The following DGKB variants were observed in gnomAD, a reference collection of about 807,000 sequenced individuals.
DGKB encodes the protein 90 kDa diacylglycerol kinase.
In DGKB, 67 loss-of-function variants were observed where a neutral mutation model predicts 114.3. The observed-to-expected ratio is 0.59, with a 90% confidence interval of 0.48 to 0.72. The LOEUF is 0.72. Ranked by LOEUF, DGKB falls within the 30% of genes least tolerant of loss-of-function variation. The pLI is 0.00. For synonymous variants in DGKB, 398 were observed against 323.1 expected (o/e 1.23, Z -2.49); for missense variants, 907 against 975.2 (o/e 0.93, Z 0.93).
intron 21 of DGKB, among the ~76,000 whole-genome samples, chr7:14,416,493 A>C (rs745696713): frequency 6.6e-6 from 1 of 152,060 alleles, no homozygotes; most frequent in Non-Finnish European, 1.5e-5. Flanking sequence ...CTGCATCCCC[A>C]CCCAAATCTC....
At chr7:14,840,727 CACACACACACACACACA>C (rs1364950977) in intron 2 of DGKB, among the ~76,000 whole-genome samples, 8 of 148,364 alleles carry the variant, frequency 5.4e-5, no homozygotes, top group Non-Finnish European at 1.2e-4. Flanking sequence ...CACACACACA[CACACACACACACACACA>C]CCTCTCCCTT....
chr7:14,303,398 A>T (rs1803898353), intron 23 of DGKB, among the ~76,000 whole-genome samples: 1 of 152,166 alleles, frequency 6.6e-6, no homozygotes. Context: ...TTTCCAGAGT[A>T]AAAAATCAAT....
intron 25 of DGKB, among the ~76,000 whole-genome samples, chr7:14,156,100 G>A (rs796611779): frequency 1.4e-4 from 22 of 152,180 alleles, no homozygotes; most frequent in African/African-American, 5.3e-4. Context: ...TGAAAGAAGT[G>A]CTATCATATA....
intron 21 of DGKB, among the ~76,000 whole-genome samples, chr7:14,476,078 C>G (rs1782124185): frequency 6.6e-6 from 1 of 151,812 alleles, no homozygotes; most frequent in Non-Finnish European, 1.5e-5. Context: ...AAGGTATTAT[C>G]CAAACACACT....
chr7:14,598,904 T>G (rs530425813), intron 17 of DGKB, among the ~76,000 whole-genome samples: 1 of 152,316 alleles, frequency 6.6e-6, no homozygotes, highest in African/African-American at 2.4e-5. Context: ...GATTGGTATA[T>G]TTGTGACCCT....
intron 9 of DGKB, among the ~76,000 whole-genome samples, chr7:14,691,585 G>C (rs1421602569): frequency 6.6e-6 from 1 of 152,082 alleles, no homozygotes; most frequent in Non-Finnish European, 1.5e-5. Context: ...GAATTCAACA[G>C]CTCTTTCTAA....
chr7:14,683,469 T>C (rs906910445), intron 10 of DGKB, among the ~76,000 whole-genome samples: 13 of 152,156 alleles, frequency 8.5e-5, no homozygotes. Context: ...AATGTATACC[T>C]ACACATAAGC....
intron 17 of DGKB, among the ~76,000 whole-genome samples, chr7:14,607,158 G>A (rs1804666068): frequency 9.8e-5 from 2 of 20,336 alleles, no homozygotes; most frequent in Admixed American, 1.6e-3. Flanking sequence ...CTAGTTTGTC[G>A]TGTGTGTGTG....
intron 1 of DGKB, among the ~76,000 whole-genome samples, chr7:14,882,535 A>G (rs1257598372): frequency 2.6e-5 from 4 of 152,130 alleles, no homozygotes; most frequent in Middle Eastern, 6.8e-3. Flanking sequence ...TGGTGTACCA[A>G]TCACCAGAAC....
chr7:14,293,154 A>G (rs1244746521), intron 23 of DGKB, among the ~76,000 whole-genome samples: 1 of 152,208 alleles, frequency 6.6e-6, no homozygotes, highest in Non-Finnish European at 1.5e-5. Flanking sequence ...GGTCAGTTTA[A>G]TACATGCATT....
chr7:14,779,494 C>T (rs1180643894), intron 2 of DGKB, among the ~76,000 whole-genome samples: 1 of 152,096 alleles, frequency 6.6e-6, no homozygotes, highest in Non-Finnish European at 1.5e-5. Context: ...CAAGATCATG[C>T]TACTGTATTC....
At chr7:14,737,714 C>T (rs1002721554) in intron 4 of DGKB, among the ~76,000 whole-genome samples, 4 of 152,020 alleles carry the variant, frequency 2.6e-5, no homozygotes, top group African/African-American at 7.2e-5. Context: ...TTGATTCTCA[C>T]AAGGACACTT....
At chr7:14,712,165 A>G (rs1827463593) in intron 6 of DGKB, among the ~76,000 whole-genome samples, 1 of 152,204 alleles carries the variant, frequency 6.6e-6, no homozygotes. Context: ...TCTCATCACC[A>G]GGTATAAAAG....
intron 25 of DGKB, chr7:14,176,497 A>T (rs1781756041): frequency 4.9e-6 from 5 of 1,010,820 alleles, no homozygotes; most frequent in African/African-American, 1.7e-5. Context: ...ATATTCTAAT[A>T]ATGTGCTCTG....
chr7:14,287,104 A>G (rs1375549886), intron 23 of DGKB, among the ~76,000 whole-genome samples: 3 of 152,134 alleles, frequency 2.0e-5, no homozygotes, highest in African/African-American at 7.2e-5. Context: ...TGTAAACTAC[A>G]GTATTTTTGT....
intron 21 of DGKB, among the ~76,000 whole-genome samples, chr7:14,425,790 T>C (rs2128774620): frequency 6.6e-6 from 1 of 152,252 alleles, no homozygotes; most frequent in East Asian, 1.9e-4. Context: ...TAAAGATGAT[T>C]AATAGTATCT....
At position 14,241,957 on chromosome 7, in the gene DGKB, T is replaced by TACACAC. The variant is rs71033980; in HGVS notation, c.2123-63812_2123-63807dup. On this transcript the variant is annotated intron_variant, in intron 23 of 25. Transcript: ENST00000402815. ...ATATAGATATATACACACACACATA[T>TACACAC]ACACACACACACACACACACACACA... is the stretch of plus-strand genomic sequence containing the variant. Among the ~76,000 whole-genome samples, 13 of 148,176 alleles carry TACACAC rather than the reference T, an allele frequency of 8.8e-5. No homozygotes were observed. In the Admixed American group the frequency reaches 8.8e-4, roughly 10 times the overall value.
chr7:14,871,767 T>C (rs976659084), intron 1 of DGKB, among the ~76,000 whole-genome samples: 11 of 152,178 alleles, frequency 7.2e-5, no homozygotes, highest in Non-Finnish European at 1.5e-4. Flanking sequence ...TTTACAAAAA[T>C]GTTAACATAT....
chr7:14,443,915 A>C (rs1055460311), intron 21 of DGKB, among the ~76,000 whole-genome samples: 1 of 151,852 alleles, frequency 6.6e-6, no homozygotes, highest in Non-Finnish European at 1.5e-5. Context: ...TCTGGATTCT[A>C]ATCGCATGCT....
Sources: allele counts gnomAD v4.1 joint callset (sites outside exome capture counted in the v4.1 genomes callset), GRCh38; gene constraint gnomAD v4.1.1; transcripts MANE v1.5; gene names NCBI Gene and HGNC (gene_info 2026-07-23, HGNC 2026-07-21).